The following AFAP1 variants were observed in gnomAD, a reference collection of about 807,000 sequenced individuals.
AFAP1 encodes actin filament associated protein 1.
A neutral mutation model predicts 93.9 loss-of-function variants in AFAP1; 75 were observed. That is an observed-to-expected ratio of 0.80 (90% CI 0.66 to 0.97). The LOEUF (loss-of-function observed/expected upper bound fraction) is 0.97, where lower values mean the gene tolerates loss of function less well. Among genes scored for constraint, AFAP1 ranks in the 50% least tolerant of loss-of-function variants. The probability of loss-of-function intolerance (pLI) is 0.00; values close to 1 mark genes in which losing one functional copy is unlikely to be tolerated. For missense variants in AFAP1, 1,201 were observed against 1,050.8 expected (o/e 1.14, Z -1.98); for synonymous variants, 517 against 430.7 (o/e 1.20, Z -2.48).
At chr4:7,861,800 G>C (rs759748541) in intron 3 of AFAP1, among the ~76,000 whole-genome samples, 1 of 152,262 alleles carries the variant, frequency 6.6e-6, no homozygotes, top group African/African-American at 2.4e-5. Flanking sequence ...AGGCAAACAA[G>C]ATGGCTCACA....
intron 3 of AFAP1, among the ~76,000 whole-genome samples, chr4:7,859,371 A>G (rs1001156998): frequency 1.3e-5 from 2 of 152,104 alleles, no homozygotes; most frequent in African/African-American, 2.4e-5. Flanking sequence ...GTGAGCCAAG[A>G]TCGCCACACT....
chr4:7,913,676 TAA>T (rs1719903030), intron 1 of AFAP1, among the ~76,000 whole-genome samples: 1 of 152,138 alleles, frequency 6.6e-6, no homozygotes, highest in African/African-American at 2.4e-5. Flanking sequence ...ACTTATTACA[TAA>T]AAAAGTCATC....
chr4:7,936,170 C>T (rs1336257826), intron 1 of AFAP1, among the ~76,000 whole-genome samples: 1 of 152,090 alleles, frequency 6.6e-6, no homozygotes, highest in Non-Finnish European at 1.5e-5. Context: ...TATTTTTAAT[C>T]CCTATAATCA....
chr4:7,918,442 C>T (rs557013437), intron 1 of AFAP1, among the ~76,000 whole-genome samples: 133 of 146,092 alleles, frequency 9.1e-4, no homozygotes, highest in African/African-American at 3.1e-3. Context: ...AAGAGACACT[C>T]GGCCCAGGTC....
chr4:7,800,297 C>T, intron 10 of AFAP1, 145 bp downstream of exon 10: 1 of 791,846 alleles, frequency 1.3e-6, no homozygotes, highest in Non-Finnish European at 2.1e-6. Flanking sequence ...ATGGACTGGG[C>T]AGTGAGAGAA....
At chr4:7,805,455 G>C (rs868547228) in intron 9 of AFAP1, among the ~76,000 whole-genome samples, 37 of 152,204 alleles carry the variant, frequency 2.4e-4, no homozygotes, top group Middle Eastern at 6.8e-3. Flanking sequence ...CCTTGGATAG[G>C]TCTGGTATGC....
At chr4:7,862,457 A>G (rs896490587) in intron 3 of AFAP1, 1 of 151,022 alleles carries the variant, frequency 6.6e-6, no homozygotes, top group Non-Finnish European at 1.5e-5. Flanking sequence ...TAAGGGGGAC[A>G]GAGTTTCCAT....
chr4:7,829,936 T>C (rs548015484), intron 6 of AFAP1, among the ~76,000 whole-genome samples: 1 of 152,318 alleles, frequency 6.6e-6, no homozygotes, highest in East Asian at 1.9e-4. Flanking sequence ...TACAGAATTG[T>C]CTGTAATATC....
intron 6 of AFAP1, among the ~76,000 whole-genome samples, chr4:7,827,694 T>G (rs1721558298): frequency 6.7e-6 from 1 of 148,726 alleles, no homozygotes; most frequent in Non-Finnish European, 1.5e-5. Flanking sequence ...CAACCAACCC[T>G]GAGAAAGAGA....
At chr4:7,839,621 C>T (rs1248030887) in intron 5 of AFAP1, among the ~76,000 whole-genome samples, 1 of 151,976 alleles carries the variant, frequency 6.6e-6, no homozygotes, top group Non-Finnish European at 1.5e-5. Flanking sequence ...GTATAATATA[C>T]AAAGCTGATC....
intron 2 of AFAP1, 83 bp downstream of exon 2, chr4:7,871,869 T>A: frequency 2.0e-6 from 3 of 1,502,350 alleles, no homozygotes; most frequent in Non-Finnish European, 2.7e-6. Context: ...AATAAATATA[T>A]TTTAGAAAGG....
At chr4:7,837,454 G>C (rs1231157129) in intron 6 of AFAP1, among the ~76,000 whole-genome samples, 1 of 152,184 alleles carries the variant, frequency 6.6e-6, no homozygotes, top group Non-Finnish European at 1.5e-5. Flanking sequence ...CTGTGAACCA[G>C]GAAGCAGGCC....
intron 10 of AFAP1, among the ~76,000 whole-genome samples, chr4:7,798,313 T>G (rs1463318670): frequency 7.3e-6 from 1 of 136,686 alleles, no homozygotes; most frequent in Non-Finnish European, 1.6e-5. Context: ...CCCTATTGGC[T>G]GGCTCACGGC....
intron 1 of AFAP1, among the ~76,000 whole-genome samples, chr4:7,932,857 A>G (rs1437651355): frequency 6.6e-6 from 1 of 151,884 alleles, no homozygotes; most frequent in Admixed American, 6.6e-5. Flanking sequence ...CTGTCTCTAC[A>G]AAAAATACAA....
At chr4:7,819,675 C>A (rs1237812262) in intron 6 of AFAP1, among the ~76,000 whole-genome samples, 1 of 152,132 alleles carries the variant, frequency 6.6e-6, no homozygotes, top group African/African-American at 2.4e-5. Flanking sequence ...TTGGGAATAA[C>A]CCGGAGTGCA....
At chr4:7,920,526 G>A (rs1041154786) in intron 1 of AFAP1, among the ~76,000 whole-genome samples, 14 of 152,122 alleles carry the variant, frequency 9.2e-5, no homozygotes, top group South Asian at 8.3e-4. Context: ...ATGAAAGAAG[G>A]AAAGATAATT....
intron 13 of AFAP1, among the ~76,000 whole-genome samples, chr4:7,780,842 C>A (rs1335442579): frequency 3.9e-5 from 6 of 152,160 alleles, no homozygotes; most frequent in Non-Finnish European, 8.8e-5. Flanking sequence ...CACCACCGTA[C>A]TCTGAATAAT....
At chr4:7,763,875 G>C in intron 17 of AFAP1, 84 bp from the exon 18 acceptor site, 1 of 1,397,326 alleles carries the variant, frequency 7.2e-7, no homozygotes, top group Non-Finnish European at 9.9e-7. Context: ...ATTCAACTCA[G>C]AGGGGGTGGG....
At chr4:7,820,585 G>A (rs1198268682) in intron 6 of AFAP1, among the ~76,000 whole-genome samples, 1 of 152,176 alleles carries the variant, frequency 6.6e-6, no homozygotes, top group Non-Finnish European at 1.5e-5. Context: ...GGAGAAGAGA[G>A]CTCCACGGAG....
Sources: gnomAD v4.1 joint callset for allele counts (sites outside exome capture counted in the v4.1 genomes callset) on GRCh38, gnomAD v4.1.1 for gene constraint, MANE v1.5 for transcripts, NCBI Gene and HGNC (gene_info 2026-07-23, HGNC 2026-07-21) for gene names.